GALNS: variants seen among roughly 807,000 people sequenced by gnomAD.
GALNS encodes galactosamine (N-acetyl)-6-sulfatase.
A neutral mutation model predicts 65.9 loss-of-function variants in GALNS; 65 were observed. The observed-to-expected ratio is 0.99, with a 90% CI of 0.81 to 1.21. The LOEUF is 1.21. GALNS is among the 50% of genes most tolerant of loss of function. The pLI, the probability that GALNS is intolerant of heterozygous loss-of-function variation, is 0.00. For synonymous variants in GALNS, 346 were observed against 288.9 expected, an observed-to-expected ratio of 1.20 and a Z score of -2.00; for missense variants, 776 against 700.7, an observed-to-expected ratio of 1.11 and a Z score of -1.21.
At chr16:88,822,430 G>A (rs918391953) in intron 12 of GALNS, among the ~76,000 whole-genome samples, 159 bp downstream of exon 12, 1 of 152,166 alleles carries the variant, frequency 6.6e-6, no homozygotes. Flanking sequence ...CTGGGAGGAG[G>A]GCAGGCCACC....
chr16:88,825,890 G>A (rs1404041782), intron 10 of GALNS, among the ~76,000 whole-genome samples: 1 of 152,152 alleles, frequency 6.6e-6, no homozygotes, highest in Admixed American at 6.5e-5. Context: ...CAGCTGCCTT[G>A]GGCCGTCCCC....
intron 8 of GALNS, among the ~76,000 whole-genome samples, chr16:88,832,827 G>A (rs1268701723): frequency 6.6e-6 from 1 of 152,144 alleles, no homozygotes; most frequent in East Asian, 1.9e-4. Context: ...TTGGGAGGCC[G>A]AAGCAGGGGG....
Position 88,832,893 on chromosome 16 carries a change from A to G in GALNS, c.899-792T>C, listed in dbSNP as rs76950659. On this transcript the variant is annotated intron_variant, in intron 8 of 13. Coordinates refer to ENST00000268695, the MANE Select transcript of GALNS (RefSeq NM_000512.5). ...CTAGACTGGTTTCTACCAAAGAGAG[A>G]CCACGGCTAAACCCCATCTCTACAA... 3.6e-3 allele frequency among the ~76,000 whole-genome samples: 554 copies of G among 152,132 alleles called. 5 individuals carry two copies. The highest frequency in any genetic ancestry group is 0.012 in the African/African-American group (502 of 41,492).
At chr16:88,837,980 C>A in intron 4 of GALNS, 1 of 567,222 alleles carries the variant, frequency 1.8e-6, no homozygotes, top group Non-Finnish European at 3.2e-6. Flanking sequence ...AGCGTCTGGG[C>A]ACAACCGAGG....
At chr16:88,825,032 T>TGGGGCTGGGGTGCCTGGGCGGCC (rs1323367049) in intron 10 of GALNS, among the ~76,000 whole-genome samples, 163 bp from the exon 11 acceptor site, 12 of 148,754 alleles carry the variant, frequency 8.1e-5, no homozygotes, top group African/African-American at 1.3e-4. Context: ...GCAAGGTGGC[T>TGGGGCTGGGGTGCCTGGGCGGCC]GGGGCTGGGG....
intron 1 of GALNS, 130 bp downstream of exon 1, chr16:88,856,628 T>A (rs1013461373): frequency 0.015 from 4,034 of 276,686 alleles, 35 homozygotes; most frequent in Non-Finnish European, 0.024. Context: ...GCCTCCCCCC[T>A]TCCCCAAGGG....
At chr16:88,824,233 G>A (rs1015789219) in intron 11 of GALNS, among the ~76,000 whole-genome samples, 7 of 152,148 alleles carry the variant, frequency 4.6e-5, no homozygotes, top group African/African-American at 1.7e-4. Flanking sequence ...AAAAGACCGT[G>A]GGGAGGGAGC....
chr16:88,826,137 G>A (rs1346452221), intron 10 of GALNS, among the ~76,000 whole-genome samples: 1 of 151,796 alleles, frequency 6.6e-6, no homozygotes, highest in Non-Finnish European at 1.5e-5. Context: ...CAGGGAACAG[G>A]GGTGGGGCAG....
chr16:88,824,134 A>C (rs1332604364), intron 11 of GALNS, among the ~76,000 whole-genome samples: 2 of 151,986 alleles, frequency 1.3e-5, no homozygotes, highest in Admixed American at 1.3e-4. Flanking sequence ...TCATATCTCA[A>C]GACTTTGATG....
chr16:88,828,453 G>A (rs1178957153), intron 9 of GALNS, among the ~76,000 whole-genome samples: 1 of 152,232 alleles, frequency 6.6e-6, no homozygotes, highest in African/African-American at 2.4e-5. Context: ...AGAATCCAGG[G>A]CTGCAGGGAC....
intron 9 of GALNS, 118 bp downstream of exon 9, chr16:88,831,880 A>C (rs1465767619): frequency 1.2e-6 from 1 of 814,956 alleles, no homozygotes; most frequent in Non-Finnish European, 2.0e-6. Flanking sequence ...CGTGGGGAGG[A>C]GAGCGGTGAG....
chr16:88,840,904 T>G, intron 4 of GALNS, 88 bp downstream of exon 4: 14 of 1,023,538 alleles, frequency 1.4e-5, no homozygotes, highest in Non-Finnish European at 2.0e-5. Flanking sequence ...ACCCTCCTCA[T>G]TTGGAAACTT....
chr16:88,825,166 G>A (rs1438833099), intron 10 of GALNS, among the ~76,000 whole-genome samples: 16 of 145,952 alleles, frequency 1.1e-4, no homozygotes, highest in Admixed American at 8.8e-4. Context: ...TGGGTGTTTG[G>A]GCGGCCGGGG....
intron 1 of GALNS, among the ~76,000 whole-genome samples, chr16:88,849,208 G>A (rs189914618): frequency 2.4e-3 from 364 of 152,282 alleles, no homozygotes; most frequent in Non-Finnish European, 1.1e-3. Context: ...TCTGCCTTCC[G>A]GGCTCAGGTG....
chr16:88,843,348 C>T (rs1967076000), intron 1 of GALNS: 11 of 587,534 alleles, frequency 1.9e-5, no homozygotes, highest in Non-Finnish European at 2.9e-5. Flanking sequence ...ACCCAAGAGA[C>T]TGAAACTTAC....
At chr16:88,847,965 A>G (rs1967328702) in intron 1 of GALNS, among the ~76,000 whole-genome samples, 1 of 152,260 alleles carries the variant, frequency 6.6e-6, no homozygotes, top group Non-Finnish European at 1.5e-5. Flanking sequence ...CATGGGTGGA[A>G]GCCTCAGCCA....
chr16:88,822,740 G>A lies in GALNS; in HGVS notation c.1243-30C>T, dbSNP rs372784373. Reference sequence around the variant, plus strand: ...AATGAGAAGAGGGAAGGTGTGTCCTGGAGCCCCTGACCTGCGGCCGTGAGG... The same window carrying A: ...AATGAGAAGAGGGAAGGTGTGTCCTAGAGCCCCTGACCTGCGGCCGTGAGG... On this transcript the variant is annotated intron_variant, in intron 11 of 13. Coordinates refer to ENST00000268695, the MANE Select transcript of GALNS (RefSeq NM_000512.5). The A allele has an allele frequency of 4.4e-6, 7 of 1,608,290 alleles. No individual in the cohort carries two copies. In the Admixed American group the frequency reaches 1.2e-4, roughly 27 times the overall value.
At chr16:88,856,698 A>G in intron 1 of GALNS, 60 bp downstream of exon 1, 3 of 402,492 alleles carry the variant, frequency 7.5e-6, no homozygotes, top group East Asian at 1.2e-4. Context: ...TCCTCCCTCC[A>G]TCCGCCCCTC....
In GALNS at chr16:88,835,283, G is replaced by A. The variant is rs759216815; in HGVS notation, c.828C>T (p.His276=). The change falls in exon 8 of 14, where the codon CAC becomes CAT. Residue 276 remains histidine, a synonymous_variant. Coordinates refer to ENST00000268695, the MANE Select transcript of GALNS (RefSeq NM_000512.5). ...AGAAGACGAAGGTGTTGTCCGCGAC[G>A]TGCAGGTCTTGGAGGAGCTCCAGTA... is the stretch of plus-strand genomic sequence containing the variant. ...GKILELLQDL[H]VADNTFVFFT... 5.6e-5 allele frequency: 91 copies of A among 1,612,942 alleles called. No individual in the cohort carries two copies. Among genetic ancestry groups the A allele is most frequent in the Middle Eastern group, 1.6e-4 (1 of 6,084 alleles).
Sources: allele counts gnomAD v4.1 joint callset (sites outside exome capture counted in the v4.1 genomes callset), GRCh38; gene constraint gnomAD v4.1.1; transcripts MANE v1.5; gene names NCBI Gene and HGNC (gene_info 2026-07-23, HGNC 2026-07-21).